The following ZMAT4 variants were observed in gnomAD, a reference collection of about 807,000 sequenced individuals.
ZMAT4 encodes the protein zinc finger matrin-type 4, also known as zinc finger matrin-type protein 4.
A neutral mutation model predicts 28.7 loss-of-function variants in ZMAT4; 17 were observed. The observed-to-expected ratio is 0.59, with a 90% CI of 0.41 to 0.89. The LOEUF (loss-of-function observed/expected upper bound fraction) is 0.89. ZMAT4 is among the 40% of genes least tolerant of loss of function. The pLI is 0.00. For missense variants in ZMAT4, 240 were observed against 283.8 expected, an observed-to-expected ratio of 0.85 and a Z score of 1.11; for synonymous variants, 117 against 109.2, an observed-to-expected ratio of 1.07 and a Z score of -0.44.
intron 1 of ZMAT4, among the ~76,000 whole-genome samples, chr8:40,870,707 A>G (rs1359449215): frequency 1.3e-5 from 2 of 152,240 alleles, no homozygotes; most frequent in Non-Finnish European, 2.9e-5. Context: ...AACACCAGGC[A>G]CATGATAGAG....
chr8:40,743,231 C>T (rs888353416), intron 3 of ZMAT4, among the ~76,000 whole-genome samples: 5 of 152,172 alleles, frequency 3.3e-5, no homozygotes, highest in Admixed American at 2.6e-4. Flanking sequence ...TAATTGAGGT[C>T]TTTCCCTACT....
At chr8:40,725,830 C>T (rs1357027580) in intron 3 of ZMAT4, among the ~76,000 whole-genome samples, 5 of 151,878 alleles carry the variant, frequency 3.3e-5, no homozygotes, top group Non-Finnish European at 7.4e-5. Context: ...TCAGAGACAG[C>T]ATTGCATTTA....
chr8:40,566,351 C>A (rs1803923158), intron 6 of ZMAT4, among the ~76,000 whole-genome samples: 1 of 152,140 alleles, frequency 6.6e-6, no homozygotes, highest in African/African-American at 2.4e-5. Context: ...GAATGAAGAG[C>A]ATTGCCCAGA....
At chr8:40,789,534 A>G (rs956177558) in intron 2 of ZMAT4, among the ~76,000 whole-genome samples, 1 of 152,262 alleles carries the variant, frequency 6.6e-6, no homozygotes, top group Non-Finnish European at 1.5e-5. Flanking sequence ...AATTTATTAT[A>G]CATTTTAAAA....
At chr8:40,598,024 G>C (rs1464647717) in intron 5 of ZMAT4, among the ~76,000 whole-genome samples, 2 of 150,896 alleles carry the variant, frequency 1.3e-5, no homozygotes, top group African/African-American at 4.9e-5. Flanking sequence ...ATGTTTGAAG[G>C]GGCAAAGACT....
At chr8:40,671,058 C>T (rs1376309655) in intron 5 of ZMAT4, among the ~76,000 whole-genome samples, 2 of 126,648 alleles carry the variant, frequency 1.6e-5, no homozygotes, top group Non-Finnish European at 3.4e-5. Context: ...CAGAGCAAGA[C>T]TCCATCTCAA....
intron 6 of ZMAT4, among the ~76,000 whole-genome samples, chr8:40,548,321 G>A (rs1803265482): frequency 6.6e-6 from 1 of 151,954 alleles, no homozygotes; most frequent in African/African-American, 2.4e-5. Context: ...GGAGGAAGAA[G>A]AGGAAGGATA....
intron 5 of ZMAT4, among the ~76,000 whole-genome samples, chr8:40,584,913 C>G (rs536439051): frequency 2.0e-5 from 3 of 152,170 alleles, no homozygotes; most frequent in Non-Finnish European, 2.9e-5. Context: ...GGATTACAGG[C>G]GTGAGCCACT....
intron 2 of ZMAT4, among the ~76,000 whole-genome samples, chr8:40,776,158 G>T (rs1472504305): frequency 6.6e-6 from 1 of 152,164 alleles, no homozygotes; most frequent in Admixed American, 6.5e-5. Context: ...TGTTCTCCTG[G>T]GGTCTTTCTT....
intron 3 of ZMAT4, among the ~76,000 whole-genome samples, chr8:40,713,724 C>T (rs1329552100): frequency 6.6e-6 from 1 of 151,746 alleles, no homozygotes; most frequent in Non-Finnish European, 1.5e-5. Flanking sequence ...GCCTGACCAA[C>T]ATGGTGAAAC....
chr8:40,736,190 A>G (rs1811754609), intron 3 of ZMAT4, among the ~76,000 whole-genome samples: 2 of 152,148 alleles, frequency 1.3e-5, no homozygotes, highest in Admixed American at 1.3e-4. Flanking sequence ...CCTCAGGAAC[A>G]TGGAGAAGGA....
intron 2 of ZMAT4, among the ~76,000 whole-genome samples, chr8:40,792,073 G>A (rs148751450): frequency 1.7e-4 from 26 of 152,248 alleles, no homozygotes; most frequent in African/African-American, 3.9e-4. Flanking sequence ...GGACTTTGAG[G>A]CAGAAAATAC....
chr8:40,607,117 C>CT (rs71544299), intron 5 of ZMAT4, among the ~76,000 whole-genome samples: 899 of 65,736 alleles, frequency 0.014, 59 homozygotes, highest in East Asian at 0.023. Flanking sequence ...TATCTTGTAT[C>CT]TTTTTTTTTT....
intron 3 of ZMAT4, among the ~76,000 whole-genome samples, chr8:40,709,358 T>C (rs1289909216): frequency 6.6e-6 from 1 of 152,186 alleles, no homozygotes; most frequent in Non-Finnish European, 1.5e-5. Flanking sequence ...TGAAAGAGCC[T>C]CATGTATACC....
chr8:40,696,509 T>C (rs1351313169), intron 4 of ZMAT4, among the ~76,000 whole-genome samples: 1 of 152,216 alleles, frequency 6.6e-6, no homozygotes, highest in Non-Finnish European at 1.5e-5. Flanking sequence ...ACAACATAAA[T>C]CTTGTCCAAA....
intron 1 of ZMAT4, among the ~76,000 whole-genome samples, chr8:40,834,852 T>C (rs1351390851): frequency 6.6e-6 from 1 of 152,048 alleles, no homozygotes; most frequent in Non-Finnish European, 1.5e-5. Flanking sequence ...CAGAGGCAGG[T>C]GGGGACTAGC....
intron 6 of ZMAT4, among the ~76,000 whole-genome samples, chr8:40,556,365 C>T (rs1803534180): frequency 6.6e-6 from 1 of 152,194 alleles, no homozygotes; most frequent in African/African-American, 2.4e-5. Flanking sequence ...TTCTCATTCT[C>T]TCAAACGAGC....
chr8:40,563,574 C>G (rs2118478694), intron 6 of ZMAT4, among the ~76,000 whole-genome samples: 1 of 152,220 alleles, frequency 6.6e-6, no homozygotes. Flanking sequence ...TCTTTGAGCA[C>G]TACTAGTAGA....
chr8:40,858,624 G>T (rs139856918), intron 1 of ZMAT4, among the ~76,000 whole-genome samples: 3 of 152,202 alleles, frequency 2.0e-5, no homozygotes, highest in African/African-American at 7.2e-5. Flanking sequence ...AAAATTTTAG[G>T]CTCCACGGAA....
Sources: allele counts gnomAD v4.1 joint callset (sites outside exome capture counted in the v4.1 genomes callset), GRCh38; gene constraint gnomAD v4.1.1; transcripts MANE v1.5; gene names NCBI Gene and HGNC (gene_info 2026-07-23, HGNC 2026-07-21).